Variants in EXTL3 observed in about 807,000 individuals in gnomAD.
The protein encoded by EXTL3 is exostosin-like 3.
EXTL3 carries 27 observed loss-of-function variants against 69.3 expected under a neutral mutation model. That is an observed-to-expected ratio of 0.39 (90% CI 0.29 to 0.54). The LOEUF (loss-of-function observed/expected upper bound fraction) is 0.54, where lower values mean the gene tolerates loss of function less well. Ranked by LOEUF, EXTL3 falls within the 20% of genes least tolerant of loss-of-function variation. The pLI is 0.69. For missense variants in EXTL3, 1,003 were observed against 1,231.8 expected (o/e 0.81, Z 2.78); for synonymous variants, 511 against 499.4 (o/e 1.02, Z -0.31).
At chr8:28,635,595 C>T (rs958983721) in intron 1 of EXTL3, among the ~76,000 whole-genome samples, 1 of 150,878 alleles carries the variant, frequency 6.6e-6, no homozygotes, top group South Asian at 2.1e-4. Flanking sequence ...CCTGTAGTCC[C>T]AGCTACTTAG....
intron 1 of EXTL3, among the ~76,000 whole-genome samples, chr8:28,706,970 A>G (rs1245271136): frequency 1.3e-5 from 2 of 151,636 alleles, no homozygotes; most frequent in African/African-American, 4.8e-5. Flanking sequence ...TTACATGTAT[A>G]TTTTCCTTTT....
chr8:28,674,254 T>A (rs1342975673), intron 1 of EXTL3, among the ~76,000 whole-genome samples: 1 of 152,034 alleles, frequency 6.6e-6, no homozygotes, highest in Non-Finnish European at 1.5e-5. Flanking sequence ...TTTTTTTTTT[T>A]AGAGACAAGG....
At chr8:28,691,169 C>T (rs149348879) in intron 1 of EXTL3, among the ~76,000 whole-genome samples, 1,874 of 152,228 alleles carry the variant, frequency 0.012, 36 homozygotes, top group African/African-American at 0.042. Context: ...AAAAAGCTGC[C>T]GTTGACCACC....
chr8:28,651,334 G>GC (rs1806915172), intron 1 of EXTL3, among the ~76,000 whole-genome samples: 2 of 151,908 alleles, frequency 1.3e-5, no homozygotes, highest in African/African-American at 4.8e-5. Flanking sequence ...AGTTTCTTCT[G>GC]TTTTTTTCAA....
Position 28,717,830 on chromosome 8 carries a change from C to T in EXTL3, c.1771C>T (p.Arg591Cys), listed in dbSNP as rs1474410096. ...GCCCTACGCCTCACCCAGATACCTC[C>T]GCAATTTCACTCTGACTGTCACTGA... ...EPPYASPRYLRNFTLTVTDFY... is the reference protein window; with the variant it reads ...EPPYASPRYLCNFTLTVTDFY... Residue 591 changes from arginine to cysteine, a missense_variant, in exon 3 of 7, where the codon CGC (arginine) becomes TGC (cysteine). Physicochemically the swap from Arg to Cys is radical, Grantham distance 180. Transcript: ENST00000220562. The surrounding 1 kb of genome is among the most constrained non-coding windows in gnomAD (Gnocchi z 8.3). 3.7e-6 allele frequency: 6 copies of T among 1,611,818 alleles called. No individual in the cohort carries two copies. The highest frequency in any genetic ancestry group is 5.1e-6 in the Non-Finnish European group (6 of 1,178,082).
At chr8:28,709,521 G>T (rs544085535) in intron 1 of EXTL3, among the ~76,000 whole-genome samples, 1 of 151,994 alleles carries the variant, frequency 6.6e-6, no homozygotes, top group African/African-American at 2.4e-5. Context: ...TGTCTCTCCG[G>T]GTGAGTGTTT....
At chr8:28,655,307 C>G (rs1806990527) in intron 1 of EXTL3, among the ~76,000 whole-genome samples, 1 of 152,046 alleles carries the variant, frequency 6.6e-6, no homozygotes, top group Non-Finnish European at 1.5e-5. Context: ...AAAAAAAATT[C>G]TGCAAGACAA....
At position 28,701,512 on chromosome 8, in the gene EXTL3, T is replaced by C. The variant is rs1030453867; in HGVS notation, c.-717T>C. 6.6e-6 allele frequency: 1 copy of C among 152,450 alleles called. No individual in the cohort carries two copies. The allele number at this position is 152,450 out of a possible 1,614,324, so 9.4% of individuals were successfully genotyped here. ...CCCTTCGGCAAGTTCCGCAGTCGCCTGTCGGAAATGGCTGCCGGCCGGCAG... is the reference window on the plus strand; with the variant it reads ...CCCTTCGGCAAGTTCCGCAGTCGCCCGTCGGAAATGGCTGCCGGCCGGCAG... On this transcript the variant is annotated 5_prime_UTR_variant, in exon 1 of 7. Transcript: ENST00000220562.
At chr8:28,698,489 G>C (rs1299061597), upstream of EXTL3, 3 of 152,242 alleles carry the variant, frequency 2.0e-5, no homozygotes, top group African/African-American at 7.2e-5. Context: ...AAGGATTAAA[G>C]TGAGACAGTG....
At chr8:28,746,838 G>A (rs1294281832) in intron 6 of EXTL3, among the ~76,000 whole-genome samples, 6 of 152,034 alleles carry the variant, frequency 3.9e-5, no homozygotes, top group South Asian at 2.1e-4. Flanking sequence ...ACCACGCCCC[G>A]CTAATTTTTA....
intron 1 of EXTL3, among the ~76,000 whole-genome samples, chr8:28,684,023 C>T (rs888902386): frequency 3.9e-5 from 6 of 152,050 alleles, no homozygotes; most frequent in South Asian, 2.1e-4. Flanking sequence ...TACGTGAGAC[C>T]GTGAAGTTTG....
At chr8:28,659,412 A>G (rs774207553) in intron 1 of EXTL3, among the ~76,000 whole-genome samples, 36 of 152,202 alleles carry the variant, frequency 2.4e-4, no homozygotes, top group Non-Finnish European at 4.4e-4. Flanking sequence ...TTGGGAGATT[A>G]AGCCAATTAA....
intron 5 of EXTL3, chr8:28,742,329 G>A (rs1157297419): frequency 2.0e-5 from 3 of 152,242 alleles, no homozygotes; most frequent in African/African-American, 4.8e-5. Flanking sequence ...TGTAGAAAGC[G>A]CCATTCATGA....
chr8:28,633,097 G>C (rs1806595647), intron 1 of EXTL3, among the ~76,000 whole-genome samples: 3 of 152,124 alleles, frequency 2.0e-5, no homozygotes, highest in Non-Finnish European at 4.4e-5. Context: ...CCAGTGCTTT[G>C]AGAGGCTGAG....
intron 1 of EXTL3, among the ~76,000 whole-genome samples, chr8:28,661,828 T>C (rs1422050502): frequency 6.6e-6 from 1 of 151,698 alleles, no homozygotes; most frequent in African/African-American, 2.4e-5. Context: ...GAGGTTGCAG[T>C]GAGCCAAGGT....
At position 28,715,986 on chromosome 8, in the gene EXTL3, C is replaced by G; in HGVS notation, c.-74C>G. On this transcript the variant is annotated 5_prime_UTR_variant, in exon 3 of 7. The change creates a new upstream start codon in the 5' untranslated region. Transcript: ENST00000220562. ...GGAAACGTGTCAGTGAAACAGAGAT[C>G]GTTTTGTGGAATAGCAACCCATGGT... The G allele has an allele frequency of 1.6e-6, 2 of 1,225,004 alleles. No homozygotes were observed. The highest frequency in any genetic ancestry group is 2.3e-6 in the Non-Finnish European group (2 of 859,550). 75.9% of individuals were successfully genotyped at this position (1,225,004 alleles called of 1,614,324 possible).
At chr8:28,661,915 T>C (rs1055781680) in intron 1 of EXTL3, among the ~76,000 whole-genome samples, 5 of 150,862 alleles carry the variant, frequency 3.3e-5, no homozygotes, top group Admixed American at 6.6e-5. Context: ...AGATAAAATA[T>C]AAATGTATAT....
intron 1 of EXTL3, among the ~76,000 whole-genome samples, chr8:28,647,709 C>T (rs1200415229): frequency 6.6e-6 from 1 of 152,066 alleles, no homozygotes; most frequent in Non-Finnish European, 1.5e-5. Flanking sequence ...TTTTTCTAGG[C>T]AGCAGAAGCT....
At chr8:28,619,775 C>T (rs955258870), upstream of EXTL3, among the ~76,000 whole-genome samples, 2 of 148,172 alleles carry the variant, frequency 1.3e-5, no homozygotes, top group African/African-American at 4.9e-5. Flanking sequence ...AGACACCACA[C>T]ATTAGCGCTT....
Sources: allele counts gnomAD v4.1 joint callset (sites outside exome capture counted in the v4.1 genomes callset), GRCh38; gene constraint gnomAD v4.1.1; non-coding constraint Gnocchi (gnomAD v3.1); transcripts MANE v1.5; gene names NCBI Gene and HGNC (gene_info 2026-07-23, HGNC 2026-07-21).